The following SHB variants were observed in gnomAD, a reference collection of about 807,000 sequenced individuals.
SHB encodes the protein SH2 domain containing adaptor protein B.
In SHB, 20 loss-of-function variants were observed where a neutral mutation model predicts 52.3. The ratio of observed to expected loss-of-function variants is 0.38; its 90% confidence interval spans 0.27 to 0.56. The LOEUF is 0.56. SHB is among the 20% of genes least tolerant of loss of function. The pLI is 0.71. For synonymous variants in SHB, 397 were observed against 316.5 expected (o/e 1.25, Z -2.70); for missense variants, 825 against 723.3 (o/e 1.14, Z -1.61).
At chr9:37,956,114 G>T in intron 3 of SHB, 60 bp from the exon 4 acceptor site, 1 of 1,470,366 alleles carries the variant, frequency 6.8e-7, no homozygotes, top group Non-Finnish European at 9.3e-7. Context: ...GCTACTGTGA[G>T]GCACAGAAGG....
intron 1 of SHB, among the ~76,000 whole-genome samples, chr9:38,038,135 T>C (rs944625859): frequency 6.6e-6 from 1 of 152,082 alleles, no homozygotes; most frequent in Non-Finnish European, 1.5e-5. Flanking sequence ...GCCCTCCCCA[T>C]CCTACGCCCC....
At chr9:38,008,906 T>C (rs1290589452) in intron 2 of SHB, among the ~76,000 whole-genome samples, 1 of 152,108 alleles carries the variant, frequency 6.6e-6, no homozygotes, top group Non-Finnish European at 1.5e-5. Context: ...TGTGTGGACA[T>C]CCTGGGAGCA....
intron 1 of SHB, among the ~76,000 whole-genome samples, chr9:38,033,263 T>C (rs1587254766): frequency 6.6e-6 from 1 of 152,100 alleles, no homozygotes; most frequent in African/African-American, 2.4e-5. Flanking sequence ...TTTCCTAAGA[T>C]AAAAGTGAGC....
At chr9:37,993,163 T>C (rs1308952788) in intron 2 of SHB, among the ~76,000 whole-genome samples, 1 of 152,172 alleles carries the variant, frequency 6.6e-6, no homozygotes. Flanking sequence ...TTTCCTGGAA[T>C]GAGATGAGGC....
At chr9:38,020,525 G>C (rs137973866) in intron 1 of SHB, among the ~76,000 whole-genome samples, 1 of 152,304 alleles carries the variant, frequency 6.6e-6, no homozygotes, top group East Asian at 1.9e-4. Context: ...CTAACATGCA[G>C]CTCTTTTGTT....
chr9:37,933,573 C>A (rs142156498), intron 5 of SHB, among the ~76,000 whole-genome samples: 5 of 152,266 alleles, frequency 3.3e-5, no homozygotes, highest in African/African-American at 1.2e-4. Flanking sequence ...AGCCTGTGGC[C>A]CCCTGGATCT....
At chr9:37,975,070 C>G (rs1232475660) in intron 2 of SHB, among the ~76,000 whole-genome samples, 1 of 152,218 alleles carries the variant, frequency 6.6e-6, no homozygotes, top group Non-Finnish European at 1.5e-5. Flanking sequence ...AATGACAGCC[C>G]TGCCTCCATC....
chr9:37,977,329 C>G (rs1303692303), intron 2 of SHB, among the ~76,000 whole-genome samples: 2 of 152,026 alleles, frequency 1.3e-5, no homozygotes, highest in Non-Finnish European at 2.9e-5. Flanking sequence ...GGAGAGCCAC[C>G]GGGAAATGCA....
chr9:37,974,811 A>G lies in SHB; in HGVS notation c.865T>C (p.Ser289Pro). 1.2e-6 allele frequency: 2 copies of G among 1,614,102 alleles called. No homozygotes were observed. Among genetic ancestry groups the G allele is most frequent in the Non-Finnish European group, 1.7e-6 (2 of 1,179,988 alleles). The change falls in exon 3 of 6, where the codon TCC becomes CCC. Residue 289 changes from serine to proline, a missense_variant. By Grantham distance (74) the Ser-to-Pro change is moderately conservative. Transcript: ENST00000377707. ...TATAACTGGATACCTTTATGCTGGG[A>G]CCGGACACTTTCCTGCCTCTGAAAT... ...TEFQRQESVR[S>P]QHKGIQLYDT...
intron 4 of SHB, among the ~76,000 whole-genome samples, chr9:37,953,276 T>C (rs1468907681): frequency 6.6e-6 from 1 of 152,108 alleles, no homozygotes. Context: ...AGACTGTTCA[T>C]TCACGCAACA....
At chr9:38,054,013 G>A (rs915451727) in intron 1 of SHB, among the ~76,000 whole-genome samples, 1 of 152,102 alleles carries the variant, frequency 6.6e-6, no homozygotes, top group South Asian at 2.1e-4. Context: ...GTGACACAGA[G>A]TGAATGGTCA....
chr9:37,936,117 G>A lies in SHB; in HGVS notation c.1346+12518C>T, dbSNP rs565322137. 3.3e-5 allele frequency among the ~76,000 whole-genome samples: 5 copies of A among 152,032 alleles called. No individual in the cohort carries two copies. The South Asian group carries it at 8.3e-4, about 25-fold the overall frequency. Reference sequence around the variant, plus strand: ...TGTAATCCCAGCTACTCTGGAGGCCGAGGCAGGAGAATTGCTTGAACTTGG... The same window carrying A: ...TGTAATCCCAGCTACTCTGGAGGCCAAGGCAGGAGAATTGCTTGAACTTGG... On this transcript the variant is annotated intron_variant, in intron 5 of 5. Transcript: ENST00000377707.
intron 5 of SHB, among the ~76,000 whole-genome samples, chr9:37,920,405 C>G (rs1018671468): frequency 6.6e-6 from 1 of 152,246 alleles, no homozygotes; most frequent in Admixed American, 6.5e-5. Context: ...AAAGTGTGTT[C>G]ATGTCCCCAA....
chr9:38,008,922 C>T (rs1821104236), intron 2 of SHB, among the ~76,000 whole-genome samples: 1 of 152,164 alleles, frequency 6.6e-6, no homozygotes, highest in Admixed American at 6.5e-5. Context: ...GAGCAGAGTC[C>T]ACGGCACTAC....
rs572438566 is a variant in SHB, at chr9:37,995,395, C to T, written c.839-20558G>A. On this transcript the variant is annotated intron_variant, in intron 2 of 5. Transcript: ENST00000377707. ...CTCCTCTGCTGTGTATACCTGCTGGCCTCTGGGCCTGATATTCCAGCCACC... is the reference window on the plus strand; with the variant it reads ...CTCCTCTGCTGTGTATACCTGCTGGTCTCTGGGCCTGATATTCCAGCCACC... 4.2e-5 allele frequency among the ~76,000 whole-genome samples: 6 copies of T among 144,368 alleles called. No homozygotes were observed. The South Asian group carries it at 1.5e-3, about 35-fold the overall frequency. 94.7% of individuals were successfully genotyped at this position (144,368 alleles called of 152,430 possible). A position where few individuals can be genotyped will look rare whatever the true frequency, so the allele number is the denominator to read the frequency against.
intron 2 of SHB, among the ~76,000 whole-genome samples, chr9:37,982,630 A>G (rs560475264): frequency 1.3e-3 from 147 of 108,928 alleles, no homozygotes; most frequent in Non-Finnish European, 2.1e-3. Context: ...GTCTCTACTA[A>G]AAACAGAAGA....
chr9:38,040,931 C>T (rs1406025228), intron 1 of SHB, among the ~76,000 whole-genome samples: 1 of 152,064 alleles, frequency 6.6e-6, no homozygotes, highest in East Asian at 1.9e-4. Context: ...AATAAAGCCA[C>T]ACTGGGGACA....
At position 37,917,715 on chromosome 9, in the gene SHB, C is replaced by T. The variant is rs1832119027; in HGVS notation, c.*2106G>A. The stretch of plus-strand genomic sequence containing the variant: ...CCCCAAAGGAAAGCACGAATCGTTC[C>T]AGGGTGTCCCTGCCTTCCTCCCTCA... On this transcript the variant is annotated 3_prime_UTR_variant, in exon 6 of 6. Transcript: ENST00000377707. Among the ~76,000 whole-genome samples the T allele has an allele frequency of 6.6e-6, 1 of 152,238 alleles. No individual in the cohort carries two copies. Among genetic ancestry groups the T allele is most frequent in the Admixed American group, 6.5e-5 (1 of 15,286 alleles).
chr9:38,057,943 C>T (rs533738308), intron 1 of SHB, among the ~76,000 whole-genome samples: 5 of 152,360 alleles, frequency 3.3e-5, no homozygotes, highest in Non-Finnish European at 5.9e-5. Context: ...CTGTCTCCAC[C>T]GCCCTGTGGT....
Sources: allele counts gnomAD v4.1 joint callset (sites outside exome capture counted in the v4.1 genomes callset), GRCh38; gene constraint gnomAD v4.1.1; transcripts MANE v1.5; gene names NCBI Gene and HGNC (gene_info 2026-07-23, HGNC 2026-07-21).